Variants in ELAPOR2 observed in about 807,000 individuals in gnomAD.
ELAPOR2 encodes endosome/lysosome-associated apoptosis and autophagy regulator family member 2.
In ELAPOR2, 89 loss-of-function variants were observed where a neutral mutation model predicts 120.7. That is an observed-to-expected ratio of 0.74 (90% CI 0.62 to 0.88). The LOEUF (loss-of-function observed/expected upper bound fraction) is 0.88, where lower values mean the gene tolerates loss of function less well. Among genes scored for constraint, ELAPOR2 ranks in the 40% least tolerant of loss-of-function variants. ELAPOR2 has a pLI of 0.00. For missense variants in ELAPOR2, 1,134 were observed against 1,251.6 expected, an observed-to-expected ratio of 0.91 and a Z score of 1.42; for synonymous variants, 444 against 444.9, an observed-to-expected ratio of 1.00 and a Z score of 0.03.
At position 87,031,614 on chromosome 7, in the gene ELAPOR2, A is replaced by G. The variant is rs368690133; in HGVS notation, c.189+27711T>C. Among the ~76,000 whole-genome samples the G allele has an allele frequency of 7.9e-5, 12 of 152,330 alleles. No individual in the cohort carries two copies. In the East Asian group the frequency reaches 1.5e-3, roughly 20 times the overall value. On this transcript the variant is annotated intron_variant, in intron 1 of 21. Coordinates refer to ENST00000450689, the MANE Select transcript of ELAPOR2 (RefSeq NM_001142749.3). The stretch of plus-strand genomic sequence containing the variant: ...GAAACAAAGAATCACCTACAGGAAT[A>G]TCTCAGAATGCCAAAAATCCTTTAG...
intron 1 of ELAPOR2, among the ~76,000 whole-genome samples, chr7:86,978,789 T>C (rs1407597332): frequency 6.6e-6 from 1 of 152,204 alleles, no homozygotes; most frequent in South Asian, 2.1e-4. Flanking sequence ...TAAATATACA[T>C]GGTAATATTT....
chr7:87,049,689 G>A (rs1425936840), intron 1 of ELAPOR2, among the ~76,000 whole-genome samples: 1 of 152,202 alleles, frequency 6.6e-6, no homozygotes, highest in Non-Finnish European at 1.5e-5. Context: ...GAGAGTTCCA[G>A]GCAGAAAAGA....
At chr7:87,027,499 C>G (rs1214338042) in intron 1 of ELAPOR2, among the ~76,000 whole-genome samples, 2 of 152,168 alleles carry the variant, frequency 1.3e-5, no homozygotes, top group African/African-American at 4.8e-5. Flanking sequence ...AATTCACATG[C>G]TGAAGTCCTA....
At chr7:86,968,901 T>G (rs1268002214) in intron 1 of ELAPOR2, among the ~76,000 whole-genome samples, 1 of 152,182 alleles carries the variant, frequency 6.6e-6, no homozygotes, top group African/African-American at 2.4e-5. Context: ...TTAGACATTC[T>G]GCAAAGCACA....
intron 1 of ELAPOR2, among the ~76,000 whole-genome samples, chr7:87,022,126 C>T (rs998134146): frequency 1.3e-5 from 2 of 151,932 alleles, no homozygotes; most frequent in Admixed American, 6.6e-5. Flanking sequence ...ATGTGCACAA[C>T]ATGCAGGTTT....
intron 1 of ELAPOR2, among the ~76,000 whole-genome samples, chr7:86,983,441 G>A (rs970835950): frequency 7.9e-5 from 12 of 152,032 alleles, no homozygotes; most frequent in African/African-American, 2.2e-4. Context: ...CAGAGAGAAG[G>A]TCGGGTTACC....
chr7:87,026,707 C>T (rs1181013391), intron 1 of ELAPOR2, among the ~76,000 whole-genome samples: 1 of 151,924 alleles, frequency 6.6e-6, no homozygotes, highest in Non-Finnish European at 1.5e-5. Flanking sequence ...TCTTATTGCA[C>T]TAAGAACTTA....
intron 1 of ELAPOR2, among the ~76,000 whole-genome samples, chr7:86,979,714 T>C (rs1046264403): frequency 1.3e-5 from 2 of 151,862 alleles, no homozygotes; most frequent in Non-Finnish European, 2.9e-5. Context: ...AAGACAGAGG[T>C]AGTATCAGGT....
In ELAPOR2 at chr7:86,968,185, T is replaced by A. The variant is rs545322991; in HGVS notation, c.190-3161A>T. ...TGAATAAAGAGAATTACAGCACATATGTTTTCAGGTTTATAGGTAACACCC... is the reference window on the plus strand; with the variant it reads ...TGAATAAAGAGAATTACAGCACATAAGTTTTCAGGTTTATAGGTAACACCC... On this transcript the variant is annotated intron_variant, in intron 1 of 21. Transcript: ENST00000450689. Among the ~76,000 whole-genome samples, 11 of 152,316 alleles carry A rather than the reference T, an allele frequency of 7.2e-5. No homozygotes were observed. The East Asian group carries it at 2.1e-3, about 29-fold the overall frequency.
chr7:87,047,518 G>T (rs1325998820), intron 1 of ELAPOR2, among the ~76,000 whole-genome samples: 1 of 152,128 alleles, frequency 6.6e-6, no homozygotes, highest in Non-Finnish European at 1.5e-5. Flanking sequence ...AATGGGCAAA[G>T]GATTTCAATA....
At chr7:86,955,675 A>G (rs1791441231) in intron 2 of ELAPOR2, among the ~76,000 whole-genome samples, 1 of 152,120 alleles carries the variant, frequency 6.6e-6, no homozygotes, top group Non-Finnish European at 1.5e-5. Context: ...ATATGTAATA[A>G]TAACAATTAA....
At chr7:87,041,176 T>G (rs1055555892) in intron 1 of ELAPOR2, among the ~76,000 whole-genome samples, 3 of 152,108 alleles carry the variant, frequency 2.0e-5, no homozygotes, top group Non-Finnish European at 4.4e-5. Context: ...GGAACCAAGT[T>G]GGAAAACACG....
intron 1 of ELAPOR2, among the ~76,000 whole-genome samples, chr7:87,024,711 G>T (rs1486774822): frequency 1.3e-5 from 2 of 151,788 alleles, no homozygotes; most frequent in African/African-American, 4.8e-5. Flanking sequence ...TTTTTGGTTG[G>T]TAAGCTATAA....
chr7:86,912,274 G>A, intron 14 of ELAPOR2, 29 bp from the exon 15 acceptor site: 1 of 1,478,028 alleles, frequency 6.8e-7, no homozygotes, highest in African/African-American at 1.4e-5. Flanking sequence ...AAACAATATA[G>A]CAGGAAAGAA....
intron 1 of ELAPOR2, among the ~76,000 whole-genome samples, chr7:86,983,895 T>C (rs528200000): frequency 3.9e-5 from 6 of 152,164 alleles, no homozygotes; most frequent in South Asian, 2.1e-4. Flanking sequence ...GACTGGCAAA[T>C]TGGATAAAGA....
chr7:86,896,255 T>G (rs775724070), intron 19 of ELAPOR2, among the ~76,000 whole-genome samples: 4 of 152,104 alleles, frequency 2.6e-5, no homozygotes, highest in Non-Finnish European at 4.4e-5. Flanking sequence ...CTTAAAACTT[T>G]ATCTCACTTT....
At chr7:86,905,128 A>C (rs1036979563) in intron 18 of ELAPOR2, among the ~76,000 whole-genome samples, 5 of 147,218 alleles carry the variant, frequency 3.4e-5, no homozygotes, top group Admixed American at 2.0e-4. Context: ...GGAAGGAAGG[A>C]AAGAAAGAAA....
At chr7:86,964,320 TTC>T (rs1316849416) in intron 2 of ELAPOR2, among the ~76,000 whole-genome samples, 1 of 152,180 alleles carries the variant, frequency 6.6e-6, no homozygotes, top group Non-Finnish European at 1.5e-5. Flanking sequence ...TATTTCATAT[TTC>T]TCTGTTATTT....
intron 1 of ELAPOR2, among the ~76,000 whole-genome samples, chr7:86,995,879 G>A (rs1351356532): frequency 6.6e-6 from 1 of 152,128 alleles, no homozygotes; most frequent in African/African-American, 2.4e-5. Flanking sequence ...CTAGCATAGT[G>A]CCATATGATT....
Sources: gnomAD v4.1 joint callset for allele counts (sites outside exome capture counted in the v4.1 genomes callset) on GRCh38, gnomAD v4.1.1 for gene constraint, MANE v1.5 for transcripts, NCBI Gene and HGNC (gene_info 2026-07-23, HGNC 2026-07-21) for gene names.